BAHD1: variants seen among roughly 807,000 people sequenced by gnomAD.
BAHD1 encodes bromo adjacent homology domain-containing 1 protein.
In BAHD1, 20 loss-of-function variants were observed where a neutral mutation model predicts 63.1. The ratio of observed to expected loss-of-function variants is 0.32; its 90% CI spans 0.22 to 0.46. BAHD1 has a LOEUF of 0.46. BAHD1 is among the 20% of genes least tolerant of loss of function. The probability of loss-of-function intolerance (pLI) is 1.00; values close to 1 mark genes in which losing one functional copy is unlikely to be tolerated. For synonymous variants in BAHD1, 408 were observed against 426.8 expected (o/e 0.96, Z 0.54); for missense variants, 939 against 1,071.8 (o/e 0.88, Z 1.73).
chr15:40,458,818 C>T lies in BAHD1; in HGVS notation c.354C>T (p.Arg118=). 1 of 1,612,812 alleles carries T rather than the reference C, an allele frequency of 6.2e-7. No homozygotes were observed. The highest frequency in any genetic ancestry group is 8.5e-7 in the Non-Finnish European group (1 of 1,179,904). Residue 118 remains arginine (R), a synonymous_variant, in exon 2 of 7, where the codon CGC becomes CGT. Coordinates refer to ENST00000416165, the MANE Select transcript of BAHD1 (RefSeq NM_014952.5). The surrounding 1 kb of genome is among the most constrained non-coding windows in gnomAD (Gnocchi z 4.7). ...DPGLAQPRKR[R]LASLNAEALN... is the part of the protein sequence containing the mutation. ...GCCTTGCCCAGCCCCGCAAGCGGCG[C>T]CTGGCCTCCCTCAATGCTGAAGCTC... is the stretch of plus-strand genomic sequence containing the variant.
chr15:40,462,145 A>C lies in BAHD1; in HGVS notation c.1666A>C (p.Arg556=). The C allele has an allele frequency of 6.2e-7, 1 of 1,612,250 alleles. No homozygotes were observed. Among genetic ancestry groups the C allele is most frequent in the East Asian group, 2.2e-5 (1 of 44,880 alleles). Residue 556 remains arginine, a synonymous_variant, in exon 3 of 7, where the codon AGG becomes CGG. Transcript: ENST00000416165. ...KSGLRTGSSC[R]HTARSKAARR... ...AGGTCTGCGCACAGGCTCCAGCTGCAGGCACACTGCAAGGAGCAAGGCTGC... is the reference window on the plus strand; with the variant it reads ...AGGTCTGCGCACAGGCTCCAGCTGCCGGCACACTGCAAGGAGCAAGGCTGC...
chr15:40,467,258 CT>C lies in BAHD1; in HGVS notation c.*1129del, dbSNP rs1380482148. 1 of 152,778 alleles carries C rather than the reference CT, an allele frequency of 6.5e-6. No individual in the cohort carries two copies. The highest frequency in any genetic ancestry group is 1.5e-5 in the Non-Finnish European group (1 of 68,106). The allele number at this position is 152,778 out of a possible 1,614,324, so 9.5% of individuals were successfully genotyped here. ...ACCTCATGCTGCTCCCCAGAGTAGA[CT>C]AACAGGCTCAGTCCCCTGTTGTCCT... On this transcript the variant is annotated 3_prime_UTR_variant, in exon 7 of 7. Coordinates refer to ENST00000416165, the MANE Select transcript of BAHD1 (RefSeq NM_014952.5).
chr15:40,459,025 A>C lies in BAHD1; in HGVS notation c.561A>C (p.Pro187=). The C allele has an allele frequency of 6.3e-7, 1 of 1,597,160 alleles. No homozygotes were observed. Among genetic ancestry groups the C allele is most frequent in the South Asian group, 1.1e-5 (1 of 89,516 alleles). ...GGGSRDLSPE[P]APDEGPRRDG... is the part of the protein sequence containing the mutation. ...GAAGTCGGGACCTGTCTCCAGAGCC[A>C]GCACCCGATGAAGGTCCCCGCCGAG... Residue 187 remains proline, a synonymous_variant, in exon 2 of 7, where the codon CCA becomes CCC. Transcript: ENST00000416165.
upstream of BAHD1, among the ~76,000 whole-genome samples, chr15:40,439,196 A>C (rs1893337345): frequency 6.6e-6 from 1 of 152,022 alleles, no homozygotes; most frequent in Non-Finnish European, 1.5e-5. Flanking sequence ...GCAGTGGGAG[A>C]ACCTGGACCT....
At chr15:40,439,427 G>C (rs1893343310), upstream of BAHD1, among the ~76,000 whole-genome samples, 1 of 152,186 alleles carries the variant, frequency 6.6e-6, no homozygotes, top group Admixed American at 6.5e-5. Context: ...CTGGGTGAGC[G>C]CTGGAGTCCC....
At chr15:40,443,635 A>G (rs1893461851) in intron 1 of BAHD1, among the ~76,000 whole-genome samples, 1 of 151,742 alleles carries the variant, frequency 6.6e-6, no homozygotes, top group Admixed American at 6.6e-5. Flanking sequence ...GTTCTTTTTG[A>G]TATCTCCCTC....
At chr15:40,445,250 T>G (rs1312185650) in intron 1 of BAHD1, among the ~76,000 whole-genome samples, 1 of 134,244 alleles carries the variant, frequency 7.4e-6, no homozygotes, top group Non-Finnish European at 1.6e-5. Flanking sequence ...GAGAGCTCCT[T>G]TTGGGTAAAA....
rs144909314 is a variant in BAHD1, at chr15:40,459,337, A to C, written c.873A>C (p.Pro291=). 248 of 1,613,108 alleles carry C rather than the reference A, an allele frequency of 1.5e-4. No individual in the cohort carries two copies. The African/African-American group carries it at 3.2e-3, about 21-fold the overall frequency. Residue 291 remains proline, a synonymous_variant, in exon 2 of 7, where the codon CCA becomes CCC. Coordinates refer to ENST00000416165, the MANE Select transcript of BAHD1 (RefSeq NM_014952.5). ...EPWPSATPCG[P]SVQPSHQPLS... ...GGCCATCTGCAACTCCTTGTGGGCC[A>C]TCCGTCCAGCCATCTCATCAGCCCC...
At chr15:40,442,449 C>A (rs568532088) in intron 1 of BAHD1, among the ~76,000 whole-genome samples, 1 of 152,126 alleles carries the variant, frequency 6.6e-6, no homozygotes, top group Non-Finnish European at 1.5e-5. Flanking sequence ...TGTGCCTTGG[C>A]TGGTGGCGAC....
At chr15:40,465,122 T>C in intron 5 of BAHD1, 2 of 580,588 alleles carry the variant, frequency 3.4e-6, no homozygotes, top group Non-Finnish European at 6.2e-6. Context: ...CTAGAGCAGA[T>C]ACCTGGCTAT....
intron 1 of BAHD1, among the ~76,000 whole-genome samples, chr15:40,449,710 G>A (rs753931757): frequency 1.3e-5 from 2 of 151,782 alleles, no homozygotes; most frequent in Non-Finnish European, 2.9e-5. Context: ...TCGGGAGGCT[G>A]AGGTAGGAGG....
rs1250489212 is a variant in BAHD1 at position 40,467,248 on chromosome 15, C to T, written c.*1118C>T. On this transcript the variant is annotated 3_prime_UTR_variant, in exon 7 of 7. Transcript: ENST00000416165. The stretch of plus-strand genomic sequence containing the variant: ...CCCTGTTCTCACCTCATGCTGCTCC[C>T]CAGAGTAGACTAACAGGCTCAGTCC... 6.5e-6 allele frequency: 1 copy of T among 152,764 alleles called. No homozygotes were observed. The highest frequency in any genetic ancestry group is 1.5e-5 in the Non-Finnish European group (1 of 68,106). The allele number at this position is 152,764 out of a possible 1,614,324, so 9.5% of individuals were successfully genotyped here. A position where few individuals can be genotyped will look rare whatever the true frequency, so the allele number is the denominator to read the frequency against.
Position 40,458,650 on chromosome 15 carries a change from G to T in BAHD1, c.186G>T (p.Leu62Phe). The change falls in exon 2 of 7, where the codon TTG (leucine) becomes TTT (phenylalanine). Residue 62 changes from leucine to phenylalanine, a missense_variant. Coordinates refer to ENST00000416165, the MANE Select transcript of BAHD1 (RefSeq NM_014952.5). This position sits in a 1 kb window ranked among gnomAD's most constrained non-coding sequence, Gnocchi z 4.7. ...RKNYPLRKRP[L>F]VPEKPKACKV... ...ATTACCCACTTCGTAAGCGCCCATT[G>T]GTTCCTGAGAAGCCCAAGGCCTGCA... is the stretch of plus-strand genomic sequence containing the variant. 1 of 1,613,876 alleles carries T rather than the reference G, an allele frequency of 6.2e-7. No individual in the cohort carries two copies. Among genetic ancestry groups the T allele is most frequent in the Non-Finnish European group, 8.5e-7 (1 of 1,179,914 alleles).
At chr15:40,464,136 A>G in intron 4 of BAHD1, 116 bp downstream of exon 4, 1 of 1,248,668 alleles carries the variant, frequency 8.0e-7, no homozygotes, top group Non-Finnish European at 1.1e-6. Context: ...TGTTCCTGGC[A>G]CAGAGTCTGC....
chr15:40,441,686 G>T (rs1340629785), intron 1 of BAHD1, among the ~76,000 whole-genome samples: 1 of 148,126 alleles, frequency 6.8e-6, no homozygotes, highest in African/African-American at 2.4e-5. Context: ...CGGCGGAGCC[G>T]GCTCGCCTCC....
intron 1 of BAHD1, among the ~76,000 whole-genome samples, chr15:40,447,998 C>A (rs1451214469): frequency 6.6e-6 from 1 of 152,074 alleles, no homozygotes; most frequent in Non-Finnish European, 1.5e-5. Context: ...GCCTATAATC[C>A]CAGCACTTTG....
intron 1 of BAHD1, among the ~76,000 whole-genome samples, chr15:40,442,103 T>G (rs1428804294): frequency 6.6e-6 from 1 of 152,136 alleles, no homozygotes; most frequent in African/African-American, 2.4e-5. Flanking sequence ...CGGCCTGGTC[T>G]TGCCCTGCTC....
chr15:40,463,829 A>G (rs1894123002), intron 3 of BAHD1, 32 bp from the exon 4 acceptor site: 6 of 1,612,544 alleles, frequency 3.7e-6, no homozygotes, highest in Non-Finnish European at 5.1e-6. Context: ...GTGGCTCTGC[A>G]AGCCTATTTG....
intron 1 of BAHD1, among the ~76,000 whole-genome samples, chr15:40,456,036 G>C (rs141281467): frequency 6.6e-6 from 1 of 152,176 alleles, no homozygotes; most frequent in Non-Finnish European, 1.5e-5. Flanking sequence ...GCAGTGGCAC[G>C]ATCTTGGCTC....
Sources: allele counts gnomAD v4.1 joint callset (sites outside exome capture counted in the v4.1 genomes callset), GRCh38; gene constraint gnomAD v4.1.1; non-coding constraint Gnocchi (gnomAD v3.1); transcripts MANE v1.5; gene names NCBI Gene and HGNC (gene_info 2026-07-23, HGNC 2026-07-21).